The following PLB1 variants were observed in gnomAD, a reference collection of about 807,000 sequenced individuals.
PLB1 encodes phospholipase B1, also known as phospholipase B1, membrane-associated.
Under a neutral mutation model 227.4 loss-of-function variants are expected in PLB1, and 242 were observed. The observed-to-expected ratio is 1.06, with a 90% CI of 0.96 to 1.18. The LOEUF (loss-of-function observed/expected upper bound fraction) is 1.18. Ranked by LOEUF, PLB1 falls within the 50% of genes most tolerant of loss-of-function variation. The pLI is 0.00. For missense variants in PLB1, 1,858 were observed against 1,816.3 expected, an observed-to-expected ratio of 1.02 and a Z score of -0.42; for synonymous variants, 757 against 682.2, an observed-to-expected ratio of 1.11 and a Z score of -1.71.
chr2:28,521,742 T>C (rs906225917), intron 4 of PLB1, among the ~76,000 whole-genome samples: 22 of 152,202 alleles, frequency 1.4e-4, no homozygotes, highest in African/African-American at 4.8e-4. Context: ...TCTCCTGGTC[T>C]TAGCAAAGCT....
rs1235056586 is a variant in PLB1, at chr2:28,548,616, T to G, written c.937-244T>G. 6.7e-6 allele frequency: 4 copies of G among 593,130 alleles called. No homozygotes were observed. The East Asian group carries it at 1.4e-4, about 21-fold the overall frequency. The allele number at this position is 593,130 out of a possible 1,614,324, so 36.7% of individuals were successfully genotyped here. A position where few individuals can be genotyped will look rare whatever the true frequency, so the allele number is the denominator to read the frequency against. ...ATATATATATAAAACCGATGCTGCT[T>G]CTCATGCTGTGGTTCTCAAACTCGG... On this transcript the variant is annotated intron_variant, in intron 14 of 57. Coordinates refer to ENST00000327757, the MANE Select transcript of PLB1 (RefSeq NM_153021.5).
chr2:28,621,406 G>A (rs930618210), intron 49 of PLB1, among the ~76,000 whole-genome samples: 4 of 152,296 alleles, frequency 2.6e-5, no homozygotes, highest in South Asian at 2.1e-4. Flanking sequence ...ATGACCCGGG[G>A]GATAGCTGCC....
chr2:28,593,480 G>A (rs1008367819), intron 32 of PLB1, among the ~76,000 whole-genome samples: 9 of 152,332 alleles, frequency 5.9e-5, no homozygotes, highest in African/African-American at 2.2e-4. Flanking sequence ...CCTCAGCTCA[G>A]CGAGGAGGCA....
At position 28,607,268 on chromosome 2, in the gene PLB1, GA is replaced by G. The variant is rs1435097312; in HGVS notation, c.3129+703del. Among the ~76,000 whole-genome samples, 10 of 152,216 alleles carry G rather than the reference GA, an allele frequency of 6.6e-5. 1 individual carries two copies. The South Asian group carries it at 1.7e-3, about 25-fold the overall frequency. Reference sequence around the variant, plus strand: ...AAAACCCTCAGCAGCAATAAAAGCAGAAGGCCTGACCCAATCTGGGAGGCTG... The same window carrying G: ...AAAACCCTCAGCAGCAATAAAAGCAGAGGCCTGACCCAATCTGGGAGGCTG... On this transcript the variant is annotated intron_variant, in intron 43 of 57. Transcript: ENST00000327757.
At chr2:28,615,248 G>A (rs1260213226) in intron 44 of PLB1, among the ~76,000 whole-genome samples, 1 of 152,096 alleles carries the variant, frequency 6.6e-6, no homozygotes, top group Non-Finnish European at 1.5e-5. Flanking sequence ...GAGGTGGAGA[G>A]TGGGGGAAAT....
intron 41 of PLB1, among the ~76,000 whole-genome samples, chr2:28,605,231 G>A (rs1419892118): frequency 6.6e-6 from 1 of 152,154 alleles, no homozygotes; most frequent in Non-Finnish European, 1.5e-5. Context: ...TTCCACCCAG[G>A]CCATGCCCTT....
At chr2:28,626,622 A>G in intron 51 of PLB1, 114 bp downstream of exon 51, 1 of 920,736 alleles carries the variant, frequency 1.1e-6, no homozygotes, top group Non-Finnish European at 1.7e-6. Context: ...TGGGAACCAC[A>G]TTTGCCTGCT....
chr2:28,631,979 G>A (rs1688690574), intron 54 of PLB1, 57 bp from the exon 55 acceptor site: 1 of 1,443,674 alleles, frequency 6.9e-7, no homozygotes, highest in Admixed American at 1.7e-5. Context: ...AGCAGGACTG[G>A]ACCCTGTCTG....
chr2:28,497,085 T>C (rs1666543704), intron 1 of PLB1, among the ~76,000 whole-genome samples: 1 of 152,270 alleles, frequency 6.6e-6, no homozygotes, highest in Non-Finnish European at 1.5e-5. Context: ...TGATTACTGA[T>C]GAGGCCAAGG....
Position 28,529,760 on chromosome 2 carries a change from G to A in PLB1, c.449G>A (p.Arg150Lys). 1 of 1,614,152 alleles carries A rather than the reference G, an allele frequency of 6.2e-7. No homozygotes were observed. The highest frequency in any genetic ancestry group is 8.5e-7 in the Non-Finnish European group (1 of 1,180,010). Residue 150 changes from arginine (R) to lysine (K), a missense_variant, in exon 8 of 58, where the codon AGA (arginine) becomes AAA (lysine). By Grantham distance (26) the Arg-to-Lys change is conservative. Transcript: ENST00000327757. The part of the protein sequence containing the change: ...DLWIQAQELV[R>K]NMKENLQLDF... ...TGGATTCAGGCTCAAGAACTGGTGA[G>A]AAACATGAAAGAGAACCTGGTAAGC... is the stretch of plus-strand genomic sequence containing the variant.
intron 33 of PLB1, 116 bp from the exon 34 acceptor site, chr2:28,597,889 C>A: frequency 9.9e-7 from 1 of 1,008,446 alleles, no homozygotes; most frequent in Non-Finnish European, 1.6e-6. Flanking sequence ...TCTGGCCCAT[C>A]TCAAAGGTGC....
chr2:28,528,494 G>C (rs1220764349), intron 6 of PLB1, among the ~76,000 whole-genome samples: 2 of 152,316 alleles, frequency 1.3e-5, no homozygotes, highest in South Asian at 2.1e-4. Flanking sequence ...GGAGAAGGGA[G>C]GGGGGCTGGA....
In PLB1 at chr2:28,600,798, C is replaced by T; in HGVS notation, c.2475-11C>T. On this transcript the variant is annotated splice_polypyrimidine_tract_variant and intron_variant, in intron 35 of 57. Transcript: ENST00000327757. ...TCCTCAACAGAAGGATGGGTTTTCT[C>T]TCTTTCTCAGGGATCTTATGAGCCA... is the stretch of plus-strand genomic sequence containing the variant. The T allele has an allele frequency of 6.2e-7, 1 of 1,613,186 alleles. No homozygotes were observed. The highest frequency in any genetic ancestry group is 1.7e-5 in the Admixed American group (1 of 60,016).
chr2:28,501,265 A>G (rs959346462), intron 1 of PLB1, among the ~76,000 whole-genome samples: 10 of 152,160 alleles, frequency 6.6e-5, no homozygotes, highest in Admixed American at 1.3e-4. Context: ...TTACTCACTT[A>G]CTGAATCCTA....
chr2:28,554,840 T>G (rs1674803170), intron 17 of PLB1, among the ~76,000 whole-genome samples: 1 of 152,108 alleles, frequency 6.6e-6, no homozygotes, highest in Admixed American at 6.5e-5. Context: ...TCCTTGACCC[T>G]GAAGATTAGT....
chr2:28,557,228 A>T (rs1176229261), intron 17 of PLB1, among the ~76,000 whole-genome samples: 2 of 152,100 alleles, frequency 1.3e-5, no homozygotes, highest in African/African-American at 4.8e-5. Context: ...GAGATCTGTA[A>T]AGTCCCTGTC....
chr2:28,568,501 G>T (rs537792914), intron 20 of PLB1, among the ~76,000 whole-genome samples: 2 of 152,308 alleles, frequency 1.3e-5, no homozygotes, highest in African/African-American at 4.8e-5. Context: ...GATAATCCAG[G>T]GGGAAGTAAC....
chr2:28,641,139 C>G, intron 57 of PLB1, 138 bp downstream of exon 57: 1 of 794,956 alleles, frequency 1.3e-6, no homozygotes, highest in Middle Eastern at 3.5e-4. Context: ...TCAAATCCCA[C>G]CTGTCCCCAG....
intron 9 of PLB1, among the ~76,000 whole-genome samples, chr2:28,533,415 T>C (rs999201631): frequency 1.1e-4 from 16 of 152,242 alleles, no homozygotes; most frequent in African/African-American, 3.9e-4. Context: ...CCCCCCTTTT[T>C]GGTCATTATG....
Sources: allele counts gnomAD v4.1 joint callset (sites outside exome capture counted in the v4.1 genomes callset), GRCh38; gene constraint gnomAD v4.1.1; transcripts MANE v1.5; gene names NCBI Gene and HGNC (gene_info 2026-07-23, HGNC 2026-07-21).